FHL5: variants seen among roughly 807,000 people sequenced by gnomAD.
FHL5 encodes four and a half LIM domains protein 5.
A neutral mutation model predicts 32.0 loss-of-function variants in FHL5; 33 were observed. The observed-to-expected ratio is 1.03, with a 90% CI of 0.78 to 1.38. The LOEUF is 1.38. FHL5 is among the 40% of genes most tolerant of loss of function. The pLI, the probability that FHL5 is intolerant of heterozygous loss-of-function variation, is 0.00. For missense variants in FHL5, 336 were observed against 343.9 expected (o/e 0.98, Z 0.18); for synonymous variants, 114 against 113.6 (o/e 1.00, Z -0.02).
intron 1 of FHL5, among the ~76,000 whole-genome samples, chr6:96,602,919 G>A (rs1210639184): frequency 6.6e-6 from 1 of 152,118 alleles, no homozygotes; most frequent in East Asian, 1.9e-4. Context: ...TACCTGCTGA[G>A]GAGTTTTATT....
At chr6:96,586,087 G>T in intron 1 of FHL5, among the ~76,000 whole-genome samples, 1 of 152,130 alleles carries the variant, frequency 6.6e-6, no homozygotes. Flanking sequence ...CATCTACAAT[G>T]GTCTTCCTCA....
At chr6:96,604,086 G>A (rs1357754920) in intron 2 of FHL5, among the ~76,000 whole-genome samples, 5 of 152,118 alleles carry the variant, frequency 3.3e-5, no homozygotes, top group Non-Finnish European at 7.4e-5. Context: ...TTCTGGGTGT[G>A]TTTGTTATTT....
intron 1 of FHL5, among the ~76,000 whole-genome samples, chr6:96,564,104 C>T (rs1405522616): frequency 6.6e-6 from 1 of 152,088 alleles, no homozygotes; most frequent in East Asian, 1.9e-4. Flanking sequence ...CCAAATGCAG[C>T]TCCTCAGCTG....
intron 1 of FHL5, among the ~76,000 whole-genome samples, chr6:96,595,552 A>G (rs1302328044): frequency 6.6e-6 from 1 of 151,662 alleles, no homozygotes; most frequent in African/African-American, 2.4e-5. Context: ...TCTTCTTTTG[A>G]AATTCTGTAA....
intron 1 of FHL5, among the ~76,000 whole-genome samples, chr6:96,576,554 T>C (rs529652000): frequency 9.9e-4 from 151 of 152,348 alleles, no homozygotes; most frequent in South Asian, 6.6e-3. Context: ...GCACCATGGA[T>C]GGCCCAGAGT....
chr6:96,601,894 G>A (rs1311993472), intron 1 of FHL5, among the ~76,000 whole-genome samples: 1 of 152,162 alleles, frequency 6.6e-6, no homozygotes, highest in African/African-American at 2.4e-5. Context: ...TATTCACTAG[G>A]AAGGAACATT....
In FHL5 at chr6:96,599,688, G is replaced by A. The variant is rs149811152; in HGVS notation, c.-12-3914G>A. ...CCCAATATGCAAAGATAAAAATTCCGGGCTTAAATGTTGTGTTAGTTGCTG... is the reference window on the plus strand; with the variant it reads ...CCCAATATGCAAAGATAAAAATTCCAGGCTTAAATGTTGTGTTAGTTGCTG... On this transcript the variant is annotated intron_variant, in intron 1 of 5. Transcript: ENST00000450218. 7.0e-4 allele frequency among the ~76,000 whole-genome samples: 107 copies of A among 152,168 alleles called. 1 individual carries two copies. Among genetic ancestry groups the A allele is most frequent in the Middle Eastern group, 6.8e-3 (2 of 294 alleles).
At position 96,610,862 on chromosome 6, in the gene FHL5, C is replaced by T. The variant is rs140147682; in HGVS notation, c.691+104C>T. On this transcript the variant is annotated intron_variant, in intron 5 of 5. Coordinates refer to ENST00000450218, the MANE Select transcript of FHL5 (RefSeq NM_001322466.2). ...AGCAATTAAAAAATGGGAAGCTTTCCTTTATATTTCCTTTTGAGATAAACA... is the reference window on the plus strand; with the variant it reads ...AGCAATTAAAAAATGGGAAGCTTTCTTTTATATTTCCTTTTGAGATAAACA... 696 of 800,510 alleles carry T rather than the reference C, an allele frequency of 8.7e-4. 2 individuals carry two copies. The African/African-American group carries it at 0.011, about 12-fold the overall frequency. 49.6% of individuals were successfully genotyped at this position (800,510 alleles called of 1,614,324 possible).
At chr6:96,578,653 C>G (rs902070964) in intron 1 of FHL5, among the ~76,000 whole-genome samples, 5 of 151,986 alleles carry the variant, frequency 3.3e-5, no homozygotes, top group African/African-American at 1.2e-4. Flanking sequence ...ACTACCCTGG[C>G]CAACGTGTCG....
At chr6:96,570,171 A>C (rs906822655) in intron 1 of FHL5, among the ~76,000 whole-genome samples, 4 of 152,050 alleles carry the variant, frequency 2.6e-5, no homozygotes, top group African/African-American at 9.7e-5. Context: ...GTGAGTGGTG[A>C]CAAATTCCTT....
intron 1 of FHL5, among the ~76,000 whole-genome samples, chr6:96,582,236 A>G (rs1247630726): frequency 1.3e-5 from 2 of 152,186 alleles, no homozygotes; most frequent in Non-Finnish European, 2.9e-5. Flanking sequence ...AGCAAGACTA[A>G]TGGTAGATTT....
chr6:96,569,672 T>G (rs1409198429), intron 1 of FHL5, among the ~76,000 whole-genome samples: 2 of 152,024 alleles, frequency 1.3e-5, no homozygotes, highest in Non-Finnish European at 2.9e-5. Context: ...ACCTTGTCTC[T>G]TTTTGTTTAA....
chr6:96,600,895 T>A (rs148362286), intron 1 of FHL5, among the ~76,000 whole-genome samples: 1 of 152,200 alleles, frequency 6.6e-6, no homozygotes, highest in East Asian at 2.0e-4. Context: ...TCAAGAAATG[T>A]TGACCTGAAC....
chr6:96,582,294 A>G (rs963267942), intron 1 of FHL5, among the ~76,000 whole-genome samples: 1 of 152,054 alleles, frequency 6.6e-6, no homozygotes, highest in East Asian at 1.9e-4. Flanking sequence ...AGATAATCCA[A>G]TTTTATCTTC....
At chr6:96,610,843 T>C in intron 5 of FHL5, 85 bp downstream of exon 5, 1 of 994,932 alleles carries the variant, frequency 1.0e-6, no homozygotes, top group Admixed American at 2.3e-5. Flanking sequence ...GAAAAGCAAT[T>C]AAAAAATGGG....
chr6:96,597,212 A>T (rs1215890822), intron 1 of FHL5, among the ~76,000 whole-genome samples: 1 of 151,556 alleles, frequency 6.6e-6, no homozygotes, highest in Non-Finnish European at 1.5e-5. Flanking sequence ...ATACCAATAT[A>T]ATTTAATATG....
At position 96,604,888 on chromosome 6, in the gene FHL5, T is replaced by A; in HGVS notation, c.298T>A (p.Ser100Thr). ...GGAGTGCTATTCTAACGAGTGCTCC[T>A]CCAAGTGCTTCCACTGCAAGAGGAC... ...CTECYSNECS[S>T]KCFHCKRTIM... Residue 100 changes from serine (S) to threonine (T), a missense_variant, in exon 3 of 6, where the codon TCC (serine) becomes ACC (threonine). Transcript: ENST00000450218. 1.2e-6 allele frequency: 2 copies of A among 1,611,482 alleles called. No homozygotes were observed. Among genetic ancestry groups the A allele is most frequent in the Non-Finnish European group, 1.7e-6 (2 of 1,178,678 alleles).
intron 1 of FHL5, among the ~76,000 whole-genome samples, chr6:96,577,139 T>C (rs971234245): frequency 2.0e-5 from 3 of 152,150 alleles, no homozygotes; most frequent in African/African-American, 7.2e-5. Flanking sequence ...AAAGCTGGCT[T>C]TAAATATCAA....
At chr6:96,602,447 TTTTTTTTTTTTTTTTTTG>T (rs1771173075) in intron 1 of FHL5, among the ~76,000 whole-genome samples, 1 of 114,908 alleles carries the variant, frequency 8.7e-6, no homozygotes, top group East Asian at 2.3e-4. Context: ...TTTTTTTTTT[TTTTTTTTTTTTTTTTTTG>T]AGACGGAGTC....
Sources: gnomAD v4.1 joint callset for allele counts (sites outside exome capture counted in the v4.1 genomes callset) on GRCh38, gnomAD v4.1.1 for gene constraint, MANE v1.5 for transcripts, NCBI Gene and HGNC (gene_info 2026-07-23, HGNC 2026-07-21) for gene names.